The following ABCD3 variants were observed in gnomAD, a reference collection of about 807,000 sequenced individuals.
ABCD3 encodes ATP-binding cassette sub-family D member 3.
Under a neutral mutation model 105.5 loss-of-function variants are expected in ABCD3, and 41 were observed. That is an observed-to-expected ratio of 0.39 (90% CI 0.30 to 0.50). The LOEUF is 0.50. ABCD3 is among the 20% of genes least tolerant of loss of function. The pLI is 0.84. For missense variants in ABCD3, 622 were observed against 806.3 expected (o/e 0.77, Z 2.77); for synonymous variants, 258 against 269.0 (o/e 0.96, Z 0.40).
chr1:94,427,404 CA>C (rs1659508313), intron 1 of ABCD3, among the ~76,000 whole-genome samples: 1 of 152,170 alleles, frequency 6.6e-6, no homozygotes, highest in Middle Eastern at 3.2e-3. Flanking sequence ...CTTAGTCTGA[CA>C]TAGTTTTTTG....
chr1:94,475,426 A>G lies in ABCD3; in HGVS notation c.503+186A>G, dbSNP rs180815849. On this transcript the variant is annotated intron_variant, in intron 6 of 22. Transcript: ENST00000370214. ...AGTCCTGGCTCTTCCATTAATTGAC[A>G]AGTCATCATTTTCTGGACTTGTGTC... Among the ~76,000 whole-genome samples the G allele has an allele frequency of 1.1e-3, 169 of 152,250 alleles. 1 individual carries two copies. Among genetic ancestry groups the G allele is most frequent in the African/African-American group, 3.5e-3 (146 of 41,568 alleles).
At chr1:94,414,615 A>T (rs555138043), upstream of ABCD3, among the ~76,000 whole-genome samples, 2 of 152,046 alleles carry the variant, frequency 1.3e-5, no homozygotes, top group East Asian at 3.9e-4. Flanking sequence ...TAAAAATCCT[A>T]CCCGGTTGGA....
At chr1:94,450,037 A>T (rs1315930851) in intron 1 of ABCD3, among the ~76,000 whole-genome samples, 3 of 152,344 alleles carry the variant, frequency 2.0e-5, no homozygotes, top group African/African-American at 7.2e-5. Flanking sequence ...AAAAGAACAG[A>T]TATTTAAAGC....
Position 94,489,756 on chromosome 1 carries a change from G to A in ABCD3, c.1189G>A (p.Val397Ile), listed in dbSNP as rs1398253283. 2.5e-6 allele frequency: 4 copies of A among 1,613,142 alleles called. No homozygotes were observed. Among genetic ancestry groups the A allele is most frequent in the Non-Finnish European group, 3.4e-6 (4 of 1,179,398 alleles). ...FTARITELMQ[V>I]LKDLNHGKYE... ...TGCTCGGATTACAGAATTAATGCAA[G>A]TACTGAAGGATTTAAATCATGGCAA... Residue 397 changes from valine to isoleucine, a missense_variant, in exon 14 of 23, where the codon GTA becomes ATA. This residue lies in a region of ABCD3 where 285 missense variants were observed against 352.5 expected (regional missense o/e 0.81). Transcript: ENST00000370214.
chr1:94,506,802 A>G (rs1442558235), intron 21 of ABCD3, among the ~76,000 whole-genome samples, 160 bp downstream of exon 21: 4 of 152,064 alleles, frequency 2.6e-5, no homozygotes, highest in Non-Finnish European at 4.4e-5. Flanking sequence ...GAATAAAAGA[A>G]AAAGAATTAT....
rs368779136 is a variant in ABCD3, at chr1:94,464,884, T to C, written c.246+11T>C. On this transcript the variant is annotated intron_variant, in intron 3 of 22. Transcript: ENST00000370214. Reference sequence around the variant, plus strand: ...ACATTTTGTAAAGAGGTAAGTCTTATGAAATTATAATCTTAAGTATATTGG... The same window carrying C: ...ACATTTTGTAAAGAGGTAAGTCTTACGAAATTATAATCTTAAGTATATTGG... The C allele has an allele frequency of 8.1e-4, 1,291 of 1,599,948 alleles. 27 individuals carry two copies. The South Asian group carries it at 0.013, about 17-fold the overall frequency.
the ABCD3 span, among the ~76,000 whole-genome samples, chr1:94,394,962 T>C: frequency 6.6e-6 from 1 of 152,224 alleles, no homozygotes; most frequent in African/African-American, 2.4e-5. Flanking sequence ...TACTTTCTGA[T>C]TTCCCACCAA....
intron 13 of ABCD3, among the ~76,000 whole-genome samples, chr1:94,488,835 C>CTT (rs397799956): frequency 2.6e-5 from 4 of 151,448 alleles, no homozygotes; most frequent in South Asian, 2.1e-4. Flanking sequence ...CTCTCTCTCT[C>CTT]GCTCTCTTTC....
At chr1:94,456,874 G>A (rs558739767) in intron 1 of ABCD3, among the ~76,000 whole-genome samples, 6 of 152,180 alleles carry the variant, frequency 3.9e-5, no homozygotes, top group Non-Finnish European at 7.4e-5. Flanking sequence ...AACCAACAAT[G>A]TTCAAGTGTT....
the ABCD3 span, among the ~76,000 whole-genome samples, chr1:94,395,292 G>T: frequency 2.0e-5 from 3 of 152,314 alleles, no homozygotes; most frequent in East Asian, 3.9e-4. Flanking sequence ...ATTAATGAAG[G>T]TGCTGTTCAC....
intron 1 of ABCD3, among the ~76,000 whole-genome samples, chr1:94,428,774 T>G (rs2100881394): frequency 6.6e-6 from 1 of 152,184 alleles, no homozygotes; most frequent in East Asian, 1.9e-4. Flanking sequence ...TTTTTTTTTG[T>G]AAAGTGCCCA....
chr1:94,452,560 A>T (rs1054161183), intron 1 of ABCD3, among the ~76,000 whole-genome samples: 3 of 152,194 alleles, frequency 2.0e-5, no homozygotes, highest in African/African-American at 7.2e-5. Context: ...GAAAGTCATT[A>T]TGTACATATT....
chr1:94,476,351 G>A (rs998721995), intron 7 of ABCD3, among the ~76,000 whole-genome samples: 1 of 152,102 alleles, frequency 6.6e-6, no homozygotes, highest in Non-Finnish European at 1.5e-5. Context: ...AGCTTTTGCT[G>A]TAGTCTTCTT....
chr1:94,446,842 A>G (rs1002159938), intron 1 of ABCD3, among the ~76,000 whole-genome samples: 9 of 152,216 alleles, frequency 5.9e-5, no homozygotes, highest in African/African-American at 1.2e-4. Flanking sequence ...GACCTGATGG[A>G]CAACCTGGGA....
chr1:94,462,974 G>C (rs933161561), intron 2 of ABCD3, among the ~76,000 whole-genome samples: 1 of 152,180 alleles, frequency 6.6e-6, no homozygotes, highest in Admixed American at 6.5e-5. Context: ...TAGGTTGAAT[G>C]TGTAAGGTTT....
chr1:94,452,309 AGATAGTATAT>A (rs1647295740), intron 1 of ABCD3, among the ~76,000 whole-genome samples: 1 of 152,236 alleles, frequency 6.6e-6, no homozygotes, highest in Non-Finnish European at 1.5e-5. Flanking sequence ...AAAGCAAAAG[AGATAGTATAT>A]GAGCAAATAG....
intron 8 of ABCD3, among the ~76,000 whole-genome samples, chr1:94,479,795 C>T (rs1648950585): frequency 6.6e-6 from 1 of 151,824 alleles, no homozygotes; most frequent in African/African-American, 2.4e-5. Context: ...GAGGGAAGTG[C>T]CTATGATGAA....
At chr1:94,418,350 G>C, upstream of ABCD3, 1 of 702,938 alleles carries the variant, frequency 1.4e-6, no homozygotes, top group Non-Finnish European at 2.2e-6. Context: ...GCGAGCCAGG[G>C]GGCGGTCCTG....
At chr1:94,481,518 T>A (rs917928240) in intron 9 of ABCD3, 3 of 152,256 alleles carry the variant, frequency 2.0e-5, no homozygotes, top group Non-Finnish European at 4.4e-5. Flanking sequence ...GAACACTCAC[T>A]GCTTCACGTG....
Sources: allele counts gnomAD v4.1 joint callset (sites outside exome capture counted in the v4.1 genomes callset), GRCh38; gene constraint gnomAD v4.1.1; regional missense constraint gnomAD v4.1.1; transcripts MANE v1.5; gene names NCBI Gene and HGNC (gene_info 2026-07-23, HGNC 2026-07-21).